XRCC1: variants seen among roughly 807,000 people sequenced by gnomAD.
XRCC1 encodes the protein X-ray repair cross complementing 1.
Under a neutral mutation model 83.3 loss-of-function variants are expected in XRCC1, and 52 were observed. The observed-to-expected ratio is 0.62, with a 90% CI of 0.50 to 0.79. The LOEUF (loss-of-function observed/expected upper bound fraction) is 0.79, where lower values mean the gene tolerates loss of function less well. Ranked by LOEUF, XRCC1 falls within the 30% of genes least tolerant of loss-of-function variation. The pLI is 0.00. For missense variants in XRCC1, 793 were observed against 823.5 expected, an observed-to-expected ratio of 0.96 and a Z score of 0.45; for synonymous variants, 281 against 312.6, an observed-to-expected ratio of 0.90 and a Z score of 1.07.
At chr19:43,545,560 A>G (rs1379017568) in intron 14 of XRCC1, among the ~76,000 whole-genome samples, 2 of 152,162 alleles carry the variant, frequency 1.3e-5, no homozygotes, top group Non-Finnish European at 2.9e-5. Flanking sequence ...AGGAGGTCAC[A>G]CCTGGCACAT....
At chr19:43,574,131 A>G (rs1194051254) in intron 2 of XRCC1, among the ~76,000 whole-genome samples, 2 of 151,992 alleles carry the variant, frequency 1.3e-5, no homozygotes, top group Non-Finnish European at 2.9e-5. Flanking sequence ...GCTGGAGTGC[A>G]GTGGCACAAT....
chr19:43,569,783 G>GAA (rs915145385), intron 2 of XRCC1, among the ~76,000 whole-genome samples: 1 of 142,864 alleles, frequency 7.0e-6, no homozygotes. Context: ...CTCCGTCTCA[G>GAA]AAAAAAAAAA....
intron 2 of XRCC1, among the ~76,000 whole-genome samples, chr19:43,571,863 A>T (rs980465492): frequency 6.6e-5 from 10 of 152,200 alleles, no homozygotes; most frequent in Admixed American, 6.5e-5. Flanking sequence ...GGCACTTAAT[A>T]AATACTTGAC....
intron 6 of XRCC1, 133 bp downstream of exon 6, chr19:43,553,268 G>A: frequency 8.4e-7 from 1 of 1,192,606 alleles, no homozygotes; most frequent in Non-Finnish European, 1.2e-6. Flanking sequence ...TCCACCCTGA[G>A]ACCCAGGAGT....
At chr19:43,547,485 C>CA (rs1972524754) in intron 10 of XRCC1, among the ~76,000 whole-genome samples, 1 of 140,096 alleles carries the variant, frequency 7.1e-6, no homozygotes. Context: ...CTCCTGGCCG[C>CA]TTTTTTTTTT....
In XRCC1 at chr19:43,552,200, C is replaced by T. The variant is rs200528601; in HGVS notation, c.899G>A (p.Arg300Gln). ...RAQGAVTGKP[R>Q]GEGTEPRRPR... ...TCGTCTGGGCTCGGTGCCTTCTCCT[C>T]GGGGTTTGCCTGTCACTGCCCCCTG... Residue 300 changes from arginine to glutamine, a missense_variant, in exon 9 of 17, where the codon CGA becomes CAA. Coordinates refer to ENST00000262887, the MANE Select transcript of XRCC1 (RefSeq NM_006297.3). 255 of 1,613,958 alleles carry T rather than the reference C, an allele frequency of 1.6e-4. 2 individuals carry two copies. The Admixed American group carries it at 3.8e-3, about 24-fold the overall frequency.
At chr19:43,547,048 C>T in intron 10 of XRCC1, 71 bp from the exon 11 acceptor site, 1 of 1,444,156 alleles carries the variant, frequency 6.9e-7, no homozygotes, top group Non-Finnish European at 9.6e-7. Flanking sequence ...AGGCAACAGC[C>T]ATTGGCATTT....
At chr19:43,574,315 A>G (rs544115410) in intron 2 of XRCC1, among the ~76,000 whole-genome samples, 51 of 152,290 alleles carry the variant, frequency 3.3e-4, no homozygotes, top group African/African-American at 1.1e-3. Flanking sequence ...GGCTCATGCA[A>G]TACTCCAGCT....
At chr19:43,545,525 G>A (rs1237021665) in intron 14 of XRCC1, among the ~76,000 whole-genome samples, 3 of 152,144 alleles carry the variant, frequency 2.0e-5, no homozygotes, top group African/African-American at 7.2e-5. Flanking sequence ...ATGAGGGTGG[G>A]GCCCTCACCC....
At chr19:43,544,344 G>A (rs1043480271) in intron 14 of XRCC1, 110 bp from the exon 15 acceptor site, 4 of 911,786 alleles carry the variant, frequency 4.4e-6, no homozygotes, top group Non-Finnish European at 3.4e-6. Context: ...GTCCACATGT[G>A]GGCAGGGATT....
chr19:43,546,147 C>T, intron 12 of XRCC1, 41 bp from the exon 13 acceptor site: 2 of 1,610,602 alleles, frequency 1.2e-6, no homozygotes, highest in Non-Finnish European at 1.7e-6. Context: ...TGCCTTGTCT[C>T]CTGGGAAGAC....
At chr19:43,566,696 C>T (rs375582355) in intron 2 of XRCC1, among the ~76,000 whole-genome samples, 119 of 149,942 alleles carry the variant, frequency 7.9e-4, no homozygotes, top group African/African-American at 2.8e-3. Context: ...CTGGGCAACA[C>T]GGCGAAACCC....
In XRCC1 at chr19:43,545,824, G is replaced by A; in HGVS notation, c.1615C>T (p.Leu539Phe). 1 of 1,613,700 alleles carries A rather than the reference G, an allele frequency of 6.2e-7. No individual in the cohort carries two copies. The highest frequency in any genetic ancestry group is 1.1e-5 in the South Asian group (1 of 91,072). The change falls in exon 14 of 17, where the codon CTC becomes TTC. Residue 539 changes from leucine (L) to phenylalanine (F), a missense_variant. Coordinates refer to ENST00000262887, the MANE Select transcript of XRCC1 (RefSeq NM_006297.3). The part of the protein sequence containing the change: ...QEPPDLPVPE[L>F]PDFFQGKHFF... Reference sequence around the variant, plus strand: ...GGATGGGGGGATTTCCCACCTGGGAGCTCAGGGACTGGCAGATCAGGAGGC... The same window carrying A: ...GGATGGGGGGATTTCCCACCTGGGAACTCAGGGACTGGCAGATCAGGAGGC...
At chr19:43,556,156 AG>A (rs1187159481) in intron 3 of XRCC1, among the ~76,000 whole-genome samples, 1 of 152,138 alleles carries the variant, frequency 6.6e-6, no homozygotes, top group Non-Finnish European at 1.5e-5. Flanking sequence ...CCAAAGCTAT[AG>A]AAGTACAAGT....
intron 11 of XRCC1, 58 bp downstream of exon 11, chr19:43,546,826 A>T: frequency 6.2e-7 from 1 of 1,602,964 alleles, no homozygotes; most frequent in Non-Finnish European, 8.5e-7. Flanking sequence ...GGGGTGCCAC[A>T]GCGGACTCAT....
At chr19:43,545,373 C>T (rs564944264) in intron 14 of XRCC1, among the ~76,000 whole-genome samples, 6 of 152,338 alleles carry the variant, frequency 3.9e-5, no homozygotes, top group Middle Eastern at 3.4e-3. Context: ...ACAGCATCCA[C>T]GTCCAGAGTG....
At chr19:43,554,504 G>T in intron 4 of XRCC1, 142 bp downstream of exon 4, 1 of 1,087,162 alleles carries the variant, frequency 9.2e-7, no homozygotes, top group Non-Finnish European at 1.3e-6. Flanking sequence ...CCATTTCAGG[G>T]AACGCAGGGA....
rs114596953 is a variant in XRCC1 at position 43,560,359 on chromosome 19, G to A, written c.255+551C>T. Among the ~76,000 whole-genome samples, 938 of 150,386 alleles carry A rather than the reference G, an allele frequency of 6.2e-3. 13 individuals carry two copies. The highest frequency in any genetic ancestry group is 0.022 in the African/African-American group (894 of 40,850). On this transcript the variant is annotated intron_variant, in intron 3 of 16. Coordinates refer to ENST00000262887, the MANE Select transcript of XRCC1 (RefSeq NM_006297.3). The stretch of plus-strand genomic sequence containing the variant: ...TGCAAGGAGCTGAGATCGCGCCAGT[G>A]CACTCACTCCAGCCTGGGCGACAGA...
chr19:43,546,940 C>T lies in XRCC1; in HGVS notation c.1237G>A (p.Asp413Asn). 1.1e-5 allele frequency: 18 copies of T among 1,614,076 alleles called. No homozygotes were observed. The highest frequency in any genetic ancestry group is 1.4e-5 in the Non-Finnish European group (17 of 1,180,004). The change falls in exon 11 of 17, where the codon GAT becomes AAT. Residue 413 changes from aspartate (D) to asparagine (N), a missense_variant. Coordinates refer to ENST00000262887, the MANE Select transcript of XRCC1 (RefSeq NM_006297.3). The stretch of plus-strand genomic sequence containing the variant: ...CTGCCACCGCTGTGAGAGGCCTCAT[C>T]CTCCTCACTGCTGGAACCTGGCCCT... ...MAGPGSSSEEDEASHSGGSGD... is the reference protein window; with the variant it reads ...MAGPGSSSEENEASHSGGSGD...
Sources: allele counts gnomAD v4.1 joint callset (sites outside exome capture counted in the v4.1 genomes callset), GRCh38; gene constraint gnomAD v4.1.1; transcripts MANE v1.5; gene names NCBI Gene and HGNC (gene_info 2026-07-23, HGNC 2026-07-21).